C11orf16: variants seen among roughly 807,000 people sequenced by gnomAD.
C11orf16 encodes uncharacterized protein C11orf16.
A neutral mutation model predicts 45.1 loss-of-function variants in C11orf16; 38 were observed. That is an observed-to-expected ratio of 0.84 (90% CI 0.65 to 1.10). The LOEUF (loss-of-function observed/expected upper bound fraction) is 1.10. Among genes scored for constraint, C11orf16 ranks in the 50% least tolerant of loss-of-function variants. The probability of loss-of-function intolerance (pLI) is 0.00; values close to 1 mark genes in which losing one functional copy is unlikely to be tolerated. For synonymous variants in C11orf16, 221 were observed against 222.0 expected, an observed-to-expected ratio of 1.00 and a Z score of 0.04; for missense variants, 583 against 569.5, an observed-to-expected ratio of 1.02 and a Z score of -0.24.
intron 5 of C11orf16, among the ~76,000 whole-genome samples, chr11:8,922,880 TC>T (rs1296969616): frequency 6.6e-6 from 1 of 152,198 alleles, no homozygotes; most frequent in Non-Finnish European, 1.5e-5. Context: ...GAGCAGGTAG[TC>T]CCACACATGT....
At position 8,929,407 on chromosome 11, in the gene C11orf16, G is replaced by A. The variant is rs541928823; in HGVS notation, c.294C>T (p.Tyr98=). ...VLARREADGF[Y]YRAQIKATPE... ...GAGTGGCCTTTATTTGGGCCCGGTA[G>A]TAAAAACCATCTGCTTCCCTTCTTG... is the stretch of plus-strand genomic sequence containing the variant. The change falls in exon 3 of 7, where the codon TAC becomes TAT. Residue 98 remains tyrosine, a synonymous_variant. Transcript: ENST00000326053. 44 of 1,614,124 alleles carry A rather than the reference G, an allele frequency of 2.7e-5. No individual in the cohort carries two copies. In the East Asian group the frequency reaches 9.8e-4, roughly 36 times the overall value.
At chr11:8,922,874 A>C (rs755902570) in intron 5 of C11orf16, among the ~76,000 whole-genome samples, 2 of 152,186 alleles carry the variant, frequency 1.3e-5, no homozygotes, top group African/African-American at 2.4e-5. Context: ...ACTAGTGAGC[A>C]GGTAGTCCCA....
Position 8,925,539 on chromosome 11 carries a change from C to T in C11orf16, c.1128G>A (p.Leu376=), listed in dbSNP as rs777521630. The T allele has an allele frequency of 6.2e-7, 1 of 1,614,124 alleles. No homozygotes were observed. The highest frequency in any genetic ancestry group is 8.5e-7 in the Non-Finnish European group (1 of 1,180,046). ...CAGGCTGGCAGAGGCCACTCTGTCT[C>T]AGAGGCATCTCAAGAAAGATGGGAT... ...NTDPIFLEMP[L]RQSGLCQPEW... Residue 376 remains leucine, a synonymous_variant, in exon 5 of 7, where the codon CTG becomes CTA. Transcript: ENST00000326053.
At position 8,926,165 on chromosome 11, in the gene C11orf16, CTTTTTTCTT is replaced by C. The variant is rs1008807611; in HGVS notation, c.560-67_560-59del. ...AATTACCAATTATCTCCTTTTTTTTCTTTTTTCTTTTTTTCTTTTCTTTTTTTTTTTTTT... is the reference window on the plus strand; with the variant it reads ...AATTACCAATTATCTCCTTTTTTTTCTTTTTCTTTTCTTTTTTTTTTTTTT... On this transcript the variant is annotated intron_variant, in intron 4 of 6. Coordinates refer to ENST00000326053, the MANE Select transcript of C11orf16 (RefSeq NM_020643.3). 2.1e-5 allele frequency: 21 copies of C among 982,642 alleles called. No individual in the cohort carries two copies. The African/African-American group carries it at 3.5e-4, about 16-fold the overall frequency. The allele number at this position is 982,642 out of a possible 1,614,324, so 60.9% of individuals were successfully genotyped here. A position where few individuals can be genotyped will look rare whatever the true frequency, so the allele number is the denominator to read the frequency against.
rs1327617603 is a variant in C11orf16 at position 8,920,222 on chromosome 11, T to A, written c.*251A>T. ...CCACGGAAGAGGCATCTTAAAGCAG[T>A]TTCACCAGGGCCCTGGCAGGGAGCC... On this transcript the variant is annotated 3_prime_UTR_variant, in exon 7 of 7. Coordinates refer to ENST00000326053, the MANE Select transcript of C11orf16 (RefSeq NM_020643.3). 5.0e-6 allele frequency: 2 copies of A among 396,108 alleles called. No homozygotes were observed. The highest frequency in any genetic ancestry group is 8.9e-6 in the Non-Finnish European group (2 of 224,866). The allele number at this position is 396,108 out of a possible 1,614,324, so 24.5% of individuals were successfully genotyped here. A position where few individuals can be genotyped will look rare whatever the true frequency, so the allele number is the denominator to read the frequency against.
At chr11:8,930,484 G>A (rs995894206) in intron 2 of C11orf16, among the ~76,000 whole-genome samples, 2 of 151,448 alleles carry the variant, frequency 1.3e-5, no homozygotes, top group African/African-American at 4.9e-5. Flanking sequence ...GCGGCGTGTG[G>A]GATTCCAGGA....
intron 3 of C11orf16, chr11:8,929,022 G>A: frequency 4.4e-6 from 1 of 229,136 alleles, no homozygotes; most frequent in South Asian, 8.4e-5. Flanking sequence ...TATAAGCTGA[G>A]GAACACCAAA....
At position 8,926,946 on chromosome 11, in the gene C11orf16, G is replaced by C. The variant is rs201394460; in HGVS notation, c.553C>G (p.Gln185Glu). 33 of 1,612,746 alleles carry C rather than the reference G, an allele frequency of 2.0e-5. No homozygotes were observed. The Admixed American group carries it at 2.5e-4, about 12-fold the overall frequency. ...TCAGAGCAGCTTCTCTTACCTCTCT[G>C]GGGATCTCTCATCTCCAAGCCCAAA... ...VLLGLEMRDP[Q>E]RASKEKEITV... The change falls in exon 4 of 7, where the codon CAG becomes GAG. Residue 185 changes from glutamine (Q) to glutamate (E), a missense_variant. By Grantham distance (29) the Gln-to-Glu change is conservative (BLOSUM62 2). Transcript: ENST00000326053.
intron 2 of C11orf16, among the ~76,000 whole-genome samples, chr11:8,931,745 C>T (rs1028287590): frequency 2.0e-5 from 3 of 152,126 alleles, no homozygotes; most frequent in African/African-American, 7.2e-5. Context: ...AGACTGGACT[C>T]GAACTCCTGA....
At chr11:8,928,092 G>C (rs762901498) in intron 3 of C11orf16, among the ~76,000 whole-genome samples, 1 of 152,016 alleles carries the variant, frequency 6.6e-6, no homozygotes, top group Non-Finnish European at 1.5e-5. Flanking sequence ...ATATTTAGTA[G>C]AGACGGGGTG....
intron 3 of C11orf16, chr11:8,927,419 C>T: frequency 1.8e-6 from 1 of 559,096 alleles, no homozygotes; most frequent in Non-Finnish European, 3.2e-6. Flanking sequence ...TGGATCACTT[C>T]CTGCCTCTGC....
rs2064560241 is a variant in C11orf16, at chr11:8,920,248, C to G, written c.*225G>C. The G allele has an allele frequency of 2.4e-6, 1 of 412,610 alleles. No homozygotes were observed. The highest frequency in any genetic ancestry group is 4.3e-6 in the Non-Finnish European group (1 of 234,872). The allele number at this position is 412,610 out of a possible 1,614,324, so 25.6% of individuals were successfully genotyped here. A position where few individuals can be genotyped will look rare whatever the true frequency, so the allele number is the denominator to read the frequency against. ...TTCACCAGGGCCCTGGCAGGGAGCC[C>G]CAGGGCAGGATCCCACATTCCTATA... On this transcript the variant is annotated 3_prime_UTR_variant, in exon 7 of 7. Transcript: ENST00000326053.
Position 8,925,667 on chromosome 11 carries a change from C to G in C11orf16, c.1000G>C (p.Val334Leu), listed in dbSNP as rs768686292. The change falls in exon 5 of 7, where the codon GTT (valine) becomes CTT (leucine). Residue 334 changes from valine to leucine, a missense_variant. Coordinates refer to ENST00000326053, the MANE Select transcript of C11orf16 (RefSeq NM_020643.3). Reference protein sequence around the residue: ...EKVAMHAPLAVSSSSSSSCEQ... With the variant: ...EKVAMHAPLALSSSSSSSCEQ... The stretch of plus-strand genomic sequence containing the variant: ...CAGGAGGAGGATGAGGAGGAAGAAA[C>G]AGCCAGGGGAGCGTGCATTGCTACT... The G allele has an allele frequency of 2.5e-6, 4 of 1,614,250 alleles. No individual in the cohort carries two copies. The South Asian group carries it at 4.4e-5, about 18-fold the overall frequency.
At chr11:8,920,498 T>A (rs1167238805) in intron 6 of C11orf16, 48 bp from the exon 7 acceptor site, 3 of 643,942 alleles carry the variant, frequency 4.7e-6, no homozygotes, top group Non-Finnish European at 8.3e-6. Flanking sequence ...GACTGCAATT[T>A]TAAGAATCAA....
Position 8,927,251 on chromosome 11 carries a change from C to A in C11orf16, c.325-77G>T, listed in dbSNP as rs1021311497. 2.6e-6 allele frequency: 3 copies of A among 1,158,288 alleles called. No homozygotes were observed. The African/African-American group carries it at 4.6e-5, about 18-fold the overall frequency. The allele number at this position is 1,158,288 out of a possible 1,614,324, so 71.8% of individuals were successfully genotyped here. Reference sequence around the variant, plus strand: ...GGGAGCACCCAGGTTCCCTACGATGCCCCCCAAATCAGGCCCAGGGGCTGC... The same window carrying A: ...GGGAGCACCCAGGTTCCCTACGATGACCCCCAAATCAGGCCCAGGGGCTGC... On this transcript the variant is annotated intron_variant, in intron 3 of 6. Coordinates refer to ENST00000326053, the MANE Select transcript of C11orf16 (RefSeq NM_020643.3).
chr11:8,932,079 C>T, intron 2 of C11orf16, 63 bp downstream of exon 2: 1 of 1,452,738 alleles, frequency 6.9e-7, no homozygotes, highest in Non-Finnish European at 9.2e-7. Flanking sequence ...CTACCACCAA[C>T]AGCCAAGAAC....
chr11:8,920,291 C>A lies in C11orf16; in HGVS notation c.*182G>T. ...TTCCTATAGCCCTCACAACAGGTGCCTTCCTGCTGCTTATCTGCAGGGAGG... is the reference window on the plus strand; with the variant it reads ...TTCCTATAGCCCTCACAACAGGTGCATTCCTGCTGCTTATCTGCAGGGAGG... On this transcript the variant is annotated 3_prime_UTR_variant, in exon 7 of 7. Coordinates refer to ENST00000326053, the MANE Select transcript of C11orf16 (RefSeq NM_020643.3). The A allele has an allele frequency of 2.0e-6, 1 of 494,266 alleles. No homozygotes were observed. Among genetic ancestry groups the A allele is most frequent in the South Asian group, 3.3e-5 (1 of 30,060 alleles). 30.6% of individuals were successfully genotyped at this position (494,266 alleles called of 1,614,324 possible).
At chr11:8,927,236 A>T (rs2064620884) in intron 3 of C11orf16, 62 bp from the exon 4 acceptor site, 1 of 1,360,852 alleles carries the variant, frequency 7.3e-7, no homozygotes, top group Admixed American at 2.0e-5. Context: ...GGGAGCACCC[A>T]GGTTCCCTAC....
chr11:8,929,449 G>A lies in C11orf16; in HGVS notation c.252C>T (p.Ala84=). The A allele has an allele frequency of 1.2e-6, 2 of 1,614,148 alleles. No homozygotes were observed. Among genetic ancestry groups the A allele is most frequent in the Middle Eastern group, 1.6e-4 (1 of 6,062 alleles). The change falls in exon 3 of 7, where the codon GCC becomes GCT. Residue 84 remains alanine, a synonymous_variant. Transcript: ENST00000326053. ...PGWLGRAGDA[A]NTWVLARREA... The stretch of plus-strand genomic sequence containing the variant: ...CCCTTCTTGCTAGGACCCATGTGTT[G>A]GCAGCATCTCCAGCTCTTCCCAGCC...
Sources: allele counts gnomAD v4.1 joint callset (sites outside exome capture counted in the v4.1 genomes callset), GRCh38; gene constraint gnomAD v4.1.1; transcripts MANE v1.5; gene names NCBI Gene and HGNC (gene_info 2026-07-23, HGNC 2026-07-21).